The following DENND2C variants were observed in gnomAD, a reference collection of about 807,000 sequenced individuals.
DENND2C encodes the protein DENN domain containing 2C.
In DENND2C, 72 loss-of-function variants were observed where a neutral mutation model predicts 112.4. That is an observed-to-expected ratio of 0.64 (90% CI 0.53 to 0.78). The LOEUF (loss-of-function observed/expected upper bound fraction) is 0.78. Among genes scored for constraint, DENND2C ranks in the 30% least tolerant of loss-of-function variants. The probability of loss-of-function intolerance (pLI) is 0.00; values close to 1 mark genes in which losing one functional copy is unlikely to be tolerated. For synonymous variants in DENND2C, 329 were observed against 381.6 expected, an observed-to-expected ratio of 0.86 and a Z score of 1.61; for missense variants, 992 against 1,113.8, an observed-to-expected ratio of 0.89 and a Z score of 1.56.
intron 3 of DENND2C, among the ~76,000 whole-genome samples, chr1:114,633,736 C>T (rs1350760865): frequency 6.6e-6 from 1 of 152,078 alleles, no homozygotes; most frequent in African/African-American, 2.4e-5. Flanking sequence ...TAGTAAAAAA[C>T]TCACATGGAA....
intron 10 of DENND2C, among the ~76,000 whole-genome samples, chr1:114,605,770 G>A (rs1655642728): frequency 6.6e-6 from 1 of 152,214 alleles, no homozygotes; most frequent in African/African-American, 2.4e-5. Context: ...TCGAGCCTGG[G>A]TGACAGAGAG....
At chr1:114,636,907 G>A (rs1358062936) in intron 3 of DENND2C, among the ~76,000 whole-genome samples, 1 of 151,704 alleles carries the variant, frequency 6.6e-6, no homozygotes, top group Non-Finnish European at 1.5e-5. Context: ...AAGAATAAAC[G>A]ATTGGAAAAT....
In DENND2C at chr1:114,595,876, A is replaced by G. The variant is rs748364626; in HGVS notation, c.2284-3T>C. On this transcript the variant is annotated splice_polypyrimidine_tract_variant and splice_region_variant and intron_variant, in intron 16 of 20. Transcript: ENST00000393274. Reference sequence around the variant, plus strand: ...GCACAGAGATCAACTATCAGCACCTATGAAATAAAGGAGCCAGGCAAGTTC... The same window carrying G: ...GCACAGAGATCAACTATCAGCACCTGTGAAATAAAGGAGCCAGGCAAGTTC... 5.0e-6 allele frequency: 8 copies of G among 1,613,716 alleles called. No individual in the cohort carries two copies. The African/African-American group carries it at 5.3e-5, about 11-fold the overall frequency.
chr1:114,594,446 T>G (rs755836393), intron 18 of DENND2C, 27 bp downstream of exon 18: 3 of 1,574,816 alleles, frequency 1.9e-6, no homozygotes, highest in Admixed American at 3.3e-5. Context: ...CCCTTAACCT[T>G]AAGTCCTTGG....
At chr1:114,614,101 A>G (rs1655893063) in intron 8 of DENND2C, among the ~76,000 whole-genome samples, 1 of 151,942 alleles carries the variant, frequency 6.6e-6, no homozygotes, top group Admixed American at 6.6e-5. Flanking sequence ...TGTGGTGGGC[A>G]TGAGCCTGTG....
At chr1:114,629,037 C>G (rs144015289) in intron 3 of DENND2C, among the ~76,000 whole-genome samples, 3 of 152,328 alleles carry the variant, frequency 2.0e-5, no homozygotes, top group Admixed American at 2.0e-4. Flanking sequence ...CCAACAGAAA[C>G]AGAGGTTGAG....
rs1020040746 is a variant in DENND2C at position 114,636,535 on chromosome 1, C to G, written c.-205+8913G>C. On this transcript the variant is annotated intron_variant, in intron 3 of 20. Coordinates refer to ENST00000393274, the MANE Select transcript of DENND2C (RefSeq NM_001256404.2). ...CCAAAATTAGCCAGGCATGGTGGTG[C>G]GTGCCTGCAGTCACAGCTACTTGGG... Among the ~76,000 whole-genome samples the G allele has an allele frequency of 3.9e-5, 6 of 152,048 alleles. No individual in the cohort carries two copies. The South Asian group carries it at 8.3e-4, about 21-fold the overall frequency.
Position 114,601,433 on chromosome 1 carries a change from T to C in DENND2C, c.1815+75A>G. The C allele has an allele frequency of 4.8e-6, 7 of 1,444,640 alleles. No homozygotes were observed. The South Asian group carries it at 6.4e-5, about 13-fold the overall frequency. The allele number at this position is 1,444,640 out of a possible 1,614,324, so 89.5% of individuals were successfully genotyped here. A position where few individuals can be genotyped will look rare whatever the true frequency, so the allele number is the denominator to read the frequency against. ...AATAGGGAACCTTTCTGAAGTAACA[T>C]GTTAAACTCTATGCCACTTAATATT... On this transcript the variant is annotated intron_variant, in intron 13 of 20. Coordinates refer to ENST00000393274, the MANE Select transcript of DENND2C (RefSeq NM_001256404.2).
chr1:114,662,427 C>A (rs1307826056), intron 1 of DENND2C, among the ~76,000 whole-genome samples: 1 of 152,090 alleles, frequency 6.6e-6, no homozygotes, highest in Non-Finnish European at 1.5e-5. Context: ...TATGTCATTT[C>A]TATGAATTCA....
At position 114,625,851 on chromosome 1, in the gene DENND2C, T is replaced by C; in HGVS notation, c.134A>G (p.Asp45Gly). 1 of 1,614,132 alleles carries C rather than the reference T, an allele frequency of 6.2e-7. No homozygotes were observed. Among genetic ancestry groups the C allele is most frequent in the African/African-American group, 1.3e-5 (1 of 75,058 alleles). The change falls in exon 4 of 21, where the codon GAC becomes GGC. Residue 45 changes from aspartate to glycine, a missense_variant. Physicochemically the swap from Asp to Gly is moderately conservative, Grantham distance 94. Coordinates refer to ENST00000393274, the MANE Select transcript of DENND2C (RefSeq NM_001256404.2). ...ISNPEKWCPKDFGVRYNCHQE... is the reference protein window; with the variant it reads ...ISNPEKWCPKGFGVRYNCHQE... ...GTGACAGTTATATCTCACTCCAAAG[T>C]CCTTTGGACACCACTTTTCTGGATT...
chr1:114,603,766 T>C lies in DENND2C; in HGVS notation c.1667+1156A>G, dbSNP rs566578540. ...ATGTTGCCCAGGATGGTCTCAAACC[T>C]GGCCTCAAATGATCCTCCCACCTTA... On this transcript the variant is annotated intron_variant, in intron 11 of 20. Coordinates refer to ENST00000393274, the MANE Select transcript of DENND2C (RefSeq NM_001256404.2). Among the ~76,000 whole-genome samples the C allele has an allele frequency of 1.0e-3, 153 of 151,992 alleles. 1 individual carries two copies. Among genetic ancestry groups the C allele is most frequent in the Non-Finnish European group, 1.8e-3 (119 of 67,978 alleles).
intron 1 of DENND2C, among the ~76,000 whole-genome samples, chr1:114,669,586 G>T (rs746059472): frequency 9.9e-5 from 15 of 152,198 alleles, no homozygotes; most frequent in Non-Finnish European, 1.5e-4. Context: ...GCATGTCGAA[G>T]TTCAAGCTCA....
intron 18 of DENND2C, among the ~76,000 whole-genome samples, chr1:114,592,547 G>A (rs1655223529): frequency 6.6e-6 from 1 of 151,774 alleles, no homozygotes. Flanking sequence ...GTGAAAGCCC[G>A]TCTCTACAAA....
chr1:114,603,821 G>C (rs993725052), intron 11 of DENND2C, among the ~76,000 whole-genome samples: 4 of 152,130 alleles, frequency 2.6e-5, no homozygotes, highest in Non-Finnish European at 4.4e-5. Context: ...ACAGGTGTGA[G>C]CCACTGCACC....
chr1:114,600,764 T>G, intron 14 of DENND2C, 56 bp downstream of exon 14: 1 of 1,574,152 alleles, frequency 6.4e-7, no homozygotes, highest in Non-Finnish European at 8.6e-7. Flanking sequence ...AACTGCCTAC[T>G]AGTGTAAGTC....
chr1:114,617,675 T>G (rs1656013435), intron 8 of DENND2C, among the ~76,000 whole-genome samples: 1 of 148,114 alleles, frequency 6.8e-6, no homozygotes, highest in Non-Finnish European at 1.5e-5. Context: ...AAAAACCAGA[T>G]AAATCAATAT....
chr1:114,631,229 A>G (rs1445934771), intron 3 of DENND2C, among the ~76,000 whole-genome samples: 4 of 151,960 alleles, frequency 2.6e-5, no homozygotes, highest in African/African-American at 9.7e-5. Flanking sequence ...TACAAAAATC[A>G]GCTGAATGTG....
intron 3 of DENND2C, among the ~76,000 whole-genome samples, chr1:114,634,591 G>A (rs1319739225): frequency 2.6e-5 from 4 of 152,096 alleles, no homozygotes; most frequent in African/African-American, 7.2e-5. Flanking sequence ...ATCATACTGA[G>A]AATGTTCTCT....
intron 1 of DENND2C, among the ~76,000 whole-genome samples, chr1:114,665,543 G>A (rs58607245): frequency 0.031 from 4,747 of 152,118 alleles, 253 homozygotes; most frequent in African/African-American, 0.11. Flanking sequence ...GGTTACATTC[G>A]GATAAACCCT....
Sources: allele counts gnomAD v4.1 joint callset (sites outside exome capture counted in the v4.1 genomes callset), GRCh38; gene constraint gnomAD v4.1.1; transcripts MANE v1.5; gene names NCBI Gene and HGNC (gene_info 2026-07-23, HGNC 2026-07-21).